Variants in SSBP2 observed in about 807,000 individuals in gnomAD.
SSBP2 encodes single-stranded DNA-binding protein 2.
A neutral mutation model predicts 61.8 loss-of-function variants in SSBP2; 17 were observed. The ratio of observed to expected loss-of-function variants is 0.28; its 90% CI spans 0.19 to 0.41. SSBP2 has a LOEUF of 0.41. Among genes scored for constraint, SSBP2 ranks in the 10% least tolerant of loss-of-function variants. SSBP2 has a pLI of 1.00. For synonymous variants in SSBP2, 139 were observed against 141.3 expected (o/e 0.98, Z 0.12); for missense variants, 310 against 458.7 (o/e 0.68, Z 2.96).
chr5:81,489,371 T>C, intron 5 of SSBP2, 62 bp from the exon 6 acceptor site: 1 of 1,385,640 alleles, frequency 7.2e-7, no homozygotes, highest in Non-Finnish European at 9.8e-7. Context: ...AATACATATC[T>C]GAAAATAAAC....
chr5:81,732,910 G>A (rs1376877037), intron 1 of SSBP2, among the ~76,000 whole-genome samples: 1 of 152,124 alleles, frequency 6.6e-6, no homozygotes, highest in Non-Finnish European at 1.5e-5. Flanking sequence ...GTGATCTCTT[G>A]TCATTTCAGA....
At chr5:81,619,435 C>T (rs1746338185) in intron 3 of SSBP2, among the ~76,000 whole-genome samples, 1 of 68,206 alleles carries the variant, frequency 1.5e-5, no homozygotes, top group African/African-American at 6.6e-5. Context: ...AGACCAATAA[C>T]AGGCTCTGAA....
chr5:81,495,550 T>G (rs777611808), intron 5 of SSBP2, among the ~76,000 whole-genome samples: 6 of 152,230 alleles, frequency 3.9e-5, no homozygotes, highest in Non-Finnish European at 8.8e-5. Flanking sequence ...ATCAGCACTT[T>G]ATTTATACCA....
At chr5:81,643,535 A>G (rs1409420228) in intron 2 of SSBP2, among the ~76,000 whole-genome samples, 2 of 151,290 alleles carry the variant, frequency 1.3e-5, no homozygotes, top group Non-Finnish European at 2.9e-5. Context: ...AAGCATGAGT[A>G]TATCTATATA....
At chr5:81,473,172 T>C (rs1440267779) in intron 8 of SSBP2, among the ~76,000 whole-genome samples, 2 of 152,210 alleles carry the variant, frequency 1.3e-5, no homozygotes, top group Non-Finnish European at 2.9e-5. Flanking sequence ...TTTGTTTACA[T>C]ATGTGAAGGA....
At position 81,736,355 on chromosome 5, in the gene SSBP2, A is replaced by C. The variant is rs181454450; in HGVS notation, c.62+14626T>G. Among the ~76,000 whole-genome samples, 811 of 152,328 alleles carry C rather than the reference A, an allele frequency of 5.3e-3. 6 individuals carry two copies. The highest frequency in any genetic ancestry group is 0.018 in the African/African-American group (762 of 41,568). ...CCTGGCACAGAGCAGGATGCTGAAA[A>C]AAGTAGTTAATGAATAAATGAATAA... On this transcript the variant is annotated intron_variant, in intron 1 of 16. Coordinates refer to ENST00000320672, the MANE Select transcript of SSBP2 (RefSeq NM_012446.5).
chr5:81,456,217 A>T (rs776469993), intron 10 of SSBP2, among the ~76,000 whole-genome samples: 1 of 152,192 alleles, frequency 6.6e-6, no homozygotes, highest in Non-Finnish European at 1.5e-5. Flanking sequence ...TTTTCCTTAA[A>T]GGAGTTTCCT....
chr5:81,533,326 T>C (rs1199289907), intron 4 of SSBP2, among the ~76,000 whole-genome samples: 1 of 151,786 alleles, frequency 6.6e-6, no homozygotes, highest in African/African-American at 2.4e-5. Context: ...AAAAAAATTA[T>C]AATGAGTAAT....
At chr5:81,730,208 C>G (rs1238222980) in intron 1 of SSBP2, among the ~76,000 whole-genome samples, 2 of 152,080 alleles carry the variant, frequency 1.3e-5, no homozygotes, top group Non-Finnish European at 2.9e-5. Context: ...ACCAAAATTA[C>G]AGAGTAAGTG....
At chr5:81,649,555 A>G (rs1749558297) in intron 2 of SSBP2, among the ~76,000 whole-genome samples, 1 of 152,154 alleles carries the variant, frequency 6.6e-6, no homozygotes, top group Non-Finnish European at 1.5e-5. Context: ...CTCACTTAGA[A>G]GTGGGAGCTA....
At chr5:81,511,579 T>C (rs1049208189) in intron 5 of SSBP2, among the ~76,000 whole-genome samples, 1 of 152,236 alleles carries the variant, frequency 6.6e-6, no homozygotes, top group African/African-American at 2.4e-5. Context: ...CGCTTTTGTT[T>C]ATACTATTCT....
chr5:81,551,211 A>C (rs1439490479), intron 4 of SSBP2, among the ~76,000 whole-genome samples: 1 of 151,952 alleles, frequency 6.6e-6, no homozygotes, highest in Non-Finnish European at 1.5e-5. Context: ...AGCCTATACA[A>C]TTTTTTCCTG....
intron 4 of SSBP2, among the ~76,000 whole-genome samples, chr5:81,590,612 G>A (rs534185507): frequency 1.3e-5 from 2 of 152,178 alleles, no homozygotes; most frequent in Non-Finnish European, 2.9e-5. Flanking sequence ...TTCACAGGCT[G>A]TTTTCCACAT....
At chr5:81,723,305 G>A (rs1020866098) in intron 1 of SSBP2, among the ~76,000 whole-genome samples, 1 of 151,932 alleles carries the variant, frequency 6.6e-6, no homozygotes, top group Non-Finnish European at 1.5e-5. Flanking sequence ...CTCTGGAAGA[G>A]GAAAAATTCA....
At chr5:81,517,371 T>G (rs1266449016) in intron 4 of SSBP2, among the ~76,000 whole-genome samples, 1 of 119,876 alleles carries the variant, frequency 8.3e-6, no homozygotes, top group Non-Finnish European at 1.6e-5. Context: ...AAATTTCAAG[T>G]TTTTTTTTTT....
At chr5:81,539,542 T>C (rs547686103) in intron 4 of SSBP2, among the ~76,000 whole-genome samples, 2 of 152,296 alleles carry the variant, frequency 1.3e-5, no homozygotes, top group East Asian at 1.9e-4. Flanking sequence ...TTGTATGCTA[T>C]TGAGAAATCA....
At chr5:81,456,081 T>G (rs903390169) in intron 10 of SSBP2, among the ~76,000 whole-genome samples, 21 of 152,232 alleles carry the variant, frequency 1.4e-4, no homozygotes, top group Non-Finnish European at 1.2e-4. Flanking sequence ...CTGTGCCACA[T>G]GAAATTAAAA....
intron 5 of SSBP2, among the ~76,000 whole-genome samples, chr5:81,496,892 A>G (rs188683290): frequency 6.6e-6 from 1 of 152,332 alleles, no homozygotes; most frequent in East Asian, 1.9e-4. Flanking sequence ...CAAAAAGCGT[A>G]TGGTACATAA....
chr5:81,652,015 C>A (rs1220796313), intron 1 of SSBP2, among the ~76,000 whole-genome samples: 1 of 152,030 alleles, frequency 6.6e-6, no homozygotes, highest in Non-Finnish European at 1.5e-5. Context: ...GCTTCTAAAC[C>A]CTAAGCCTAG....
Sources: allele counts gnomAD v4.1 joint callset (sites outside exome capture counted in the v4.1 genomes callset), GRCh38; gene constraint gnomAD v4.1.1; transcripts MANE v1.5; gene names NCBI Gene and HGNC (gene_info 2026-07-23, HGNC 2026-07-21).